The following KATNIP variants were observed in gnomAD, a reference collection of about 807,000 sequenced individuals.
KATNIP encodes katanin interacting protein, also known as katanin-interacting protein.
KATNIP carries 126 observed loss-of-function variants against 174.0 expected under a neutral mutation model. The observed-to-expected ratio is 0.72, with a 90% CI of 0.63 to 0.84. The LOEUF (loss-of-function observed/expected upper bound fraction) is 0.84, where lower values mean the gene tolerates loss of function less well. Ranked by LOEUF, KATNIP falls within the 40% of genes least tolerant of loss-of-function variation. The pLI, the probability that KATNIP is intolerant of heterozygous loss-of-function variation, is 0.00. For synonymous variants in KATNIP, 810 were observed against 835.7 expected (o/e 0.97, Z 0.53); for missense variants, 1,958 against 2,109.7 (o/e 0.93, Z 1.41).
At chr16:27,623,384 A>G (rs1320962715) in intron 3 of KATNIP, among the ~76,000 whole-genome samples, 1 of 152,198 alleles carries the variant, frequency 6.6e-6, no homozygotes, top group African/African-American at 2.4e-5. Flanking sequence ...GAAGGCCCAT[A>G]GCAAGCCCCC....
At chr16:27,778,091 C>G in intron 27 of KATNIP, 122 bp downstream of exon 27, 2 of 818,334 alleles carry the variant, frequency 2.4e-6, no homozygotes, top group Non-Finnish European at 1.9e-6. Context: ...TCTCCTCTGC[C>G]CAGGAGCCTG....
chr16:27,661,627 A>G (rs2077476848), intron 6 of KATNIP, among the ~76,000 whole-genome samples: 1 of 151,786 alleles, frequency 6.6e-6, no homozygotes, highest in Non-Finnish European at 1.5e-5. Flanking sequence ...TCCTGACCTC[A>G]GGTGATCCAC....
chr16:27,554,680 A>G (rs896580190), intron 1 of KATNIP, among the ~76,000 whole-genome samples: 8 of 151,728 alleles, frequency 5.3e-5, no homozygotes, highest in African/African-American at 1.9e-4. Flanking sequence ...TCATTTTCAG[A>G]TTGGCCCCCA....
chr16:27,672,477 G>T (rs1402168157), intron 6 of KATNIP, among the ~76,000 whole-genome samples: 4 of 152,288 alleles, frequency 2.6e-5, no homozygotes, highest in Non-Finnish European at 5.9e-5. Context: ...GCCCCACACT[G>T]TATGCTCCTA....
intron 5 of KATNIP, among the ~76,000 whole-genome samples, chr16:27,645,468 G>C (rs997666880): frequency 6.6e-6 from 1 of 152,214 alleles, no homozygotes; most frequent in African/African-American, 2.4e-5. Flanking sequence ...CACGGTAACA[G>C]AAACACAAAA....
In KATNIP at chr16:27,740,828, C is replaced by A. The variant is rs947294331; in HGVS notation, c.2531C>A (p.Pro844His). ...HSDDSDIFNQ[P>H]PNRERPASGR... ...GATGACTCAGACATCTTTAACCAGC[C>A]CCCCAACAGAGAGCGCCCTGCTAGT... is the stretch of plus-strand genomic sequence containing the variant. The change falls in exon 15 of 28, where the codon CCC becomes CAC. Residue 844 changes from proline to histidine, a missense_variant. By Grantham distance (77) the Pro-to-His change is moderately conservative. This residue lies in a region of KATNIP where 1,557 missense variants were observed against 1,617.8 expected (regional missense o/e 0.96). Transcript: ENST00000261588. The A allele has an allele frequency of 3.7e-6, 6 of 1,613,694 alleles. No homozygotes were observed. The highest frequency in any genetic ancestry group is 5.1e-6 in the Non-Finnish European group (6 of 1,179,858).
chr16:27,585,213 A>T (rs2090848452), intron 2 of KATNIP, among the ~76,000 whole-genome samples: 1 of 152,204 alleles, frequency 6.6e-6, no homozygotes, highest in Admixed American at 6.5e-5. Context: ...CTAGACACAA[A>T]TCAAAACTAC....
chr16:27,676,424 T>G (rs961438436), intron 6 of KATNIP, among the ~76,000 whole-genome samples: 6 of 152,188 alleles, frequency 3.9e-5, no homozygotes. Flanking sequence ...AAGTGTTCTA[T>G]ACACTCAAGG....
At chr16:27,606,345 A>G (rs540107547) in intron 2 of KATNIP, among the ~76,000 whole-genome samples, 4 of 152,218 alleles carry the variant, frequency 2.6e-5, no homozygotes, top group South Asian at 4.1e-4. Context: ...AGCATTCATC[A>G]AGGTATATTT....
chr16:27,773,153 T>G lies in KATNIP; in HGVS notation c.4253T>G (p.Leu1418Arg), dbSNP rs2082369301. 1.2e-6 allele frequency: 2 copies of G among 1,612,734 alleles called. No individual in the cohort carries two copies. The highest frequency in any genetic ancestry group is 1.7e-6 in the Non-Finnish European group (2 of 1,179,452). ...TSWGDPYYIG[L>R]TGLELYDERG... ...TGGGGCGACCCCTACTACATCGGCC[T>G]CACCGGCCTGGAGCTGTATGACGAG... Residue 1418 changes from leucine to arginine, a missense_variant, in exon 23 of 28, where the codon CTC becomes CGC. Physicochemically the swap from Leu to Arg is moderately radical, Grantham distance 102 (BLOSUM62 -2). Transcript: ENST00000261588.
intron 19 of KATNIP, among the ~76,000 whole-genome samples, chr16:27,765,696 T>G (rs1056317332): frequency 6.6e-6 from 1 of 152,210 alleles, no homozygotes; most frequent in African/African-American, 2.4e-5. Flanking sequence ...AATACTCACC[T>G]CCATACCCTC....
rs527628163 is a variant in KATNIP, at chr16:27,679,981, C to T, written c.809-1418C>T. ...GCTCTCTGCTTTTCCCTCCAGACCG[C>T]ACTCAGAAGTTGCTTATTCCACAAA... On this transcript the variant is annotated intron_variant, in intron 7 of 27. Coordinates refer to ENST00000261588, the MANE Select transcript of KATNIP (RefSeq NM_015202.5). Among the ~76,000 whole-genome samples the T allele has an allele frequency of 3.3e-5, 5 of 152,254 alleles. No homozygotes were observed. The South Asian group carries it at 8.3e-4, about 25-fold the overall frequency.
Position 27,600,699 on chromosome 16 carries a change from C to G in KATNIP, c.64-17726C>G, listed in dbSNP as rs368390667. On this transcript the variant is annotated intron_variant, in intron 2 of 27. Transcript: ENST00000261588. The stretch of plus-strand genomic sequence containing the variant: ...CCAGTAATCCCAGGCCCCCTCCACT[C>G]CACCCACTGCCCTTGTGGCACAGCT... Among the ~76,000 whole-genome samples the G allele has an allele frequency of 2.0e-4, 31 of 152,016 alleles. 1 individual carries two copies. The highest frequency in any genetic ancestry group is 6.6e-4 in the Admixed American group (10 of 15,244).
At chr16:27,660,016 G>A in intron 6 of KATNIP, 1 of 984,372 alleles carries the variant, frequency 1.0e-6, no homozygotes, top group Non-Finnish European at 1.2e-6. Flanking sequence ...TCCTGAGGAT[G>A]TCGGAGTTTG....
intron 1 of KATNIP, among the ~76,000 whole-genome samples, chr16:27,550,650 A>G (rs1242646679): frequency 6.6e-6 from 1 of 152,142 alleles, no homozygotes; most frequent in Non-Finnish European, 1.5e-5. Flanking sequence ...CCCTTTAACA[A>G]AGTGCTTTCC....
intron 14 of KATNIP, among the ~76,000 whole-genome samples, chr16:27,736,853 G>C (rs941414839): frequency 6.6e-6 from 1 of 152,212 alleles, no homozygotes; most frequent in Non-Finnish European, 1.5e-5. Flanking sequence ...GGAGGCGATG[G>C]TGGTGTCTCT....
Position 27,743,530 on chromosome 16 carries a change from G to A in KATNIP, c.2623+2610G>A, listed in dbSNP as rs183443460. ...GAGGAGGGTAAGGTGGAAAGAAAGA[G>A]TTGAGGAGCTCTCTGAGGGCAGGCG... On this transcript the variant is annotated intron_variant, in intron 15 of 27. Transcript: ENST00000261588. Among the ~76,000 whole-genome samples the A allele has an allele frequency of 2.0e-5, 3 of 152,278 alleles. No homozygotes were observed. The East Asian group carries it at 5.8e-4, about 29-fold the overall frequency.
Position 27,721,672 on chromosome 16 carries a change from C to G in KATNIP, c.1720C>G (p.Arg574Gly), listed in dbSNP as rs147973877. The G allele has an allele frequency of 1.9e-6, 3 of 1,613,996 alleles. No individual in the cohort carries two copies. The highest frequency in any genetic ancestry group is 2.5e-6 in the Non-Finnish European group (3 of 1,180,040). The change falls in exon 14 of 28, where the codon CGG becomes GGG. Residue 574 changes from arginine (R) to glycine (G), a missense_variant. Arg to Gly is a moderately radical substitution (Grantham distance 125). This residue lies in a region of KATNIP where 1,557 missense variants were observed against 1,617.8 expected (regional missense o/e 0.96). Transcript: ENST00000261588. ...GDFHLAKIKV[R>G]NYWTADGDLD... The stretch of plus-strand genomic sequence containing the variant: ...CTTCCATCTGGCCAAGATCAAGGTT[C>G]GGAATTACTGGACAGCTGATGGCGT...
At chr16:27,551,907 TC>T (rs763071744) in intron 1 of KATNIP, among the ~76,000 whole-genome samples, 6 of 151,528 alleles carry the variant, frequency 4.0e-5, no homozygotes, top group Non-Finnish European at 7.4e-5. Flanking sequence ...CTCATAATAA[TC>T]ATAATAATAA....
Sources: gnomAD v4.1 joint callset for allele counts (sites outside exome capture counted in the v4.1 genomes callset) on GRCh38, gnomAD v4.1.1 for gene constraint, gnomAD v4.1.1 regional missense constraint, MANE v1.5 for transcripts, NCBI Gene and HGNC (gene_info 2026-07-23, HGNC 2026-07-21) for gene names.